Variants in MRPL48 observed in about 807,000 individuals in gnomAD.
MRPL48 encodes mitochondrial ribosomal protein L48.
Under a neutral mutation model 32.9 loss-of-function variants are expected in MRPL48, and 16 were observed. The ratio of observed to expected loss-of-function variants is 0.49; its 90% CI spans 0.33 to 0.74. The LOEUF is 0.74. MRPL48 is among the 30% of genes least tolerant of loss of function. The pLI is 0.02. For missense variants in MRPL48, 206 were observed against 245.3 expected, an observed-to-expected ratio of 0.84 and a Z score of 1.07; for synonymous variants, 94 against 89.2, an observed-to-expected ratio of 1.05 and a Z score of -0.31.
intron 5 of MRPL48, among the ~76,000 whole-genome samples, chr11:73,846,703 C>T (rs893032775): frequency 1.3e-5 from 2 of 150,592 alleles, no homozygotes; most frequent in African/African-American, 4.9e-5. Flanking sequence ...GTCTCTCTCT[C>T]CCACCCAGCC....
At chr11:73,856,390 AG>A (rs1271122596) in intron 5 of MRPL48, among the ~76,000 whole-genome samples, 7 of 152,334 alleles carry the variant, frequency 4.6e-5, no homozygotes, top group Admixed American at 1.3e-4. Flanking sequence ...GAATTGGGCT[AG>A]ACAGCAGGAT....
chr11:73,827,052 A>G (rs1284725533), intron 4 of MRPL48, among the ~76,000 whole-genome samples: 9 of 151,878 alleles, frequency 5.9e-5, no homozygotes, highest in Admixed American at 5.9e-4. Context: ...CTGGGATTAC[A>G]GGCATGAGCC....
intron 4 of MRPL48, chr11:73,843,142 T>TA (rs1456955935): frequency 1.3e-5 from 2 of 152,006 alleles, no homozygotes; most frequent in Non-Finnish European, 2.9e-5. Context: ...GGCATTTAGG[T>TA]TAGATTATTT....
chr11:73,811,501 AAATATAGAAG>A (rs1436046940), intron 3 of MRPL48, among the ~76,000 whole-genome samples: 30 of 152,222 alleles, frequency 2.0e-4, no homozygotes, highest in Non-Finnish European at 3.4e-4. Context: ...GAGATATAAA[AAATATAGAAG>A]AGTAAAAGAG....
chr11:73,830,865 T>C (rs1043556263), intron 4 of MRPL48, among the ~76,000 whole-genome samples: 8 of 151,984 alleles, frequency 5.3e-5, no homozygotes, highest in African/African-American at 1.4e-4. Flanking sequence ...TTCTTTCTTT[T>C]TTTTTTGAGA....
At chr11:73,815,389 G>A (rs1017221817) in intron 3 of MRPL48, among the ~76,000 whole-genome samples, 17 of 152,088 alleles carry the variant, frequency 1.1e-4, no homozygotes, top group Non-Finnish European at 2.9e-5. Flanking sequence ...ACTCTAGCCT[G>A]GGCAACGAGA....
chr11:73,822,399 A>C (rs970195377), intron 3 of MRPL48, among the ~76,000 whole-genome samples: 4 of 152,140 alleles, frequency 2.6e-5, no homozygotes, highest in African/African-American at 9.7e-5. Flanking sequence ...CTGCTTTCCT[A>C]TCTTCCTTTC....
Position 73,808,365 on chromosome 11 carries a change from C to T in MRPL48, c.112+15C>T, listed in dbSNP as rs943001935. On this transcript the variant is annotated intron_variant, in intron 3 of 7. Transcript: ENST00000310614. ...CTATTCTGTAGGTAAGCAGTTTTTA[C>T]CTGATGTAGTTGGCCTGCTTTAAGT... The T allele has an allele frequency of 1.2e-6, 2 of 1,603,408 alleles. No homozygotes were observed. Among genetic ancestry groups the T allele is most frequent in the Non-Finnish European group, 1.7e-6 (2 of 1,173,644 alleles).
At chr11:73,817,097 G>T (rs1947692049) in intron 3 of MRPL48, among the ~76,000 whole-genome samples, 1 of 152,046 alleles carries the variant, frequency 6.6e-6, no homozygotes, top group African/African-American at 2.4e-5. Flanking sequence ...CTCCCGAAGT[G>T]CTGGGTTCAC....
chr11:73,861,061 A>T (rs1479652105), intron 6 of MRPL48, among the ~76,000 whole-genome samples: 1 of 152,190 alleles, frequency 6.6e-6, no homozygotes, highest in African/African-American at 2.4e-5. Flanking sequence ...ATAATATTCC[A>T]TGGTATAGGC....
intron 5 of MRPL48, 21 bp downstream of exon 5, chr11:73,844,997 T>C: frequency 1.3e-6 from 2 of 1,595,254 alleles, no homozygotes; most frequent in South Asian, 2.2e-5. Flanking sequence ...TGCTTTTGTA[T>C]GGGATGTTCT....
intron 5 of MRPL48, chr11:73,850,682 T>G (rs1948372616): frequency 4.3e-6 from 1 of 230,860 alleles, no homozygotes; most frequent in Admixed American, 5.4e-5. Context: ...TATACAATTT[T>G]TTTTTTTTTT....
At chr11:73,814,267 G>A (rs1237877870) in intron 3 of MRPL48, among the ~76,000 whole-genome samples, 1 of 151,752 alleles carries the variant, frequency 6.6e-6, no homozygotes, top group Non-Finnish European at 1.5e-5. Flanking sequence ...GCGAGTGCCT[G>A]TGGTCCCAGC....
At chr11:73,857,352 G>A (rs71479564) in intron 5 of MRPL48, among the ~76,000 whole-genome samples, 8,588 of 151,820 alleles carry the variant, frequency 0.057, 267 homozygotes, top group Middle Eastern at 0.11. Flanking sequence ...GGCTGGTCTC[G>A]AACTCCTGAC....
At chr11:73,801,394 C>T (rs1947361172) in intron 1 of MRPL48, among the ~76,000 whole-genome samples, 1 of 152,102 alleles carries the variant, frequency 6.6e-6, no homozygotes, top group Non-Finnish European at 1.5e-5. Flanking sequence ...GGCCTGACCT[C>T]TCCTGGGGCC....
chr11:73,821,294 C>A (rs1947777461), intron 3 of MRPL48, among the ~76,000 whole-genome samples: 1 of 152,104 alleles, frequency 6.6e-6, no homozygotes, highest in Non-Finnish European at 1.5e-5. Context: ...CACACCTGGC[C>A]ACAATTTGTA....
intron 4 of MRPL48, among the ~76,000 whole-genome samples, chr11:73,826,948 G>A (rs1947907267): frequency 6.7e-6 from 1 of 149,390 alleles, no homozygotes; most frequent in Non-Finnish European, 1.5e-5. Flanking sequence ...GGCTAATTTT[G>A]TATTTTTAGT....
At chr11:73,817,790 ATTTTTGTTGTTGTTGTTG>A (rs1947702940) in intron 3 of MRPL48, 1 of 382,792 alleles carries the variant, frequency 2.6e-6, no homozygotes, top group Non-Finnish European at 5.2e-6. Flanking sequence ...TCAGATATTT[ATTTTTGTTGTTGTTGTTG>A]TTTTTGTTTT....
intron 2 of MRPL48, among the ~76,000 whole-genome samples, chr11:73,806,145 A>C (rs1947449930): frequency 6.6e-6 from 1 of 152,034 alleles, no homozygotes; most frequent in African/African-American, 2.4e-5. Flanking sequence ...TTATGAACAT[A>C]AGAATGATTC....
Sources: allele counts gnomAD v4.1 joint callset (sites outside exome capture counted in the v4.1 genomes callset), GRCh38; gene constraint gnomAD v4.1.1; transcripts MANE v1.5; gene names NCBI Gene and HGNC (gene_info 2026-07-23, HGNC 2026-07-21).